The following FRMD4A variants were observed in gnomAD, a reference collection of about 807,000 sequenced individuals.
FRMD4A encodes FERM domain containing 4A, also known as FERM domain-containing protein 4A.
In FRMD4A, 29 loss-of-function variants were observed where a neutral mutation model predicts 129.1. The ratio of observed to expected loss-of-function variants is 0.22; its 90% confidence interval spans 0.17 to 0.31. The LOEUF (loss-of-function observed/expected upper bound fraction) is 0.31. Among genes scored for constraint, FRMD4A ranks in the 10% least tolerant of loss-of-function variants. The pLI is 1.00. For missense variants in FRMD4A, 1,272 were observed against 1,375.8 expected (o/e 0.92, Z 1.19); for synonymous variants, 634 against 571.6 (o/e 1.11, Z -1.56).
At chr10:14,063,385 G>C (rs780542664) in intron 2 of FRMD4A, among the ~76,000 whole-genome samples, 1 of 152,042 alleles carries the variant, frequency 6.6e-6, no homozygotes, top group Non-Finnish European at 1.5e-5. Context: ...GACATTTGCT[G>C]TGCCATTTAC....
chr10:13,938,873 C>T (rs142320804), intron 2 of FRMD4A, among the ~76,000 whole-genome samples: 1 of 152,072 alleles, frequency 6.6e-6, no homozygotes, highest in African/African-American at 2.4e-5. Context: ...AAGACCTGGT[C>T]CCAAATGTCA....
rs188202613 is a variant in FRMD4A, at chr10:13,959,281, G to A, written c.46-100369C>T. Among the ~76,000 whole-genome samples, 381 of 152,156 alleles carry A rather than the reference G, an allele frequency of 2.5e-3. 1 individual carries two copies. The highest frequency in any genetic ancestry group is 1.1e-3 in the Non-Finnish European group (78 of 67,996). On this transcript the variant is annotated intron_variant, in intron 2 of 24. Transcript: ENST00000357447. ...GAGGTCAGGAGTTTGAGACCAGCCT[G>A]ACCAATATGGTGAAACCCTATCTCT...
intron 2 of FRMD4A, among the ~76,000 whole-genome samples, chr10:13,981,416 G>T (rs1241931858): frequency 6.6e-6 from 1 of 152,176 alleles, no homozygotes; most frequent in Non-Finnish European, 1.5e-5. Context: ...AGACTGAAAG[G>T]TGTATGAAAG....
At chr10:14,001,057 G>T (rs2095641111) in intron 2 of FRMD4A, among the ~76,000 whole-genome samples, 1 of 152,088 alleles carries the variant, frequency 6.6e-6, no homozygotes, top group African/African-American at 2.4e-5. Context: ...AAAGTCACCA[G>T]AAAACACAAA....
chr10:13,653,856 G>C (rs1465552974), intron 23 of FRMD4A: 1 of 158,312 alleles, frequency 6.3e-6, no homozygotes, highest in Non-Finnish European at 1.4e-5. Flanking sequence ...CTATCAAAGG[G>C]AGCTGCCTTT....
intron 2 of FRMD4A, among the ~76,000 whole-genome samples, chr10:14,139,369 C>A (rs1029678499): frequency 3.3e-5 from 5 of 150,632 alleles, no homozygotes; most frequent in African/African-American, 9.8e-5. Context: ...GCTAAGCAAC[C>A]TTATGTCCTT....
At chr10:14,309,507 A>C (rs1195484175) in intron 2 of FRMD4A, among the ~76,000 whole-genome samples, 1 of 152,178 alleles carries the variant, frequency 6.6e-6, no homozygotes, top group Non-Finnish European at 1.5e-5. Flanking sequence ...TAGAGTCACC[A>C]AAGACTCAGA....
intron 2 of FRMD4A, among the ~76,000 whole-genome samples, chr10:14,294,766 G>C (rs1012682579): frequency 6.6e-6 from 1 of 152,204 alleles, no homozygotes; most frequent in Non-Finnish European, 1.5e-5. Flanking sequence ...AAAAACACGA[G>C]CTTTATTAAA....
intron 2 of FRMD4A, among the ~76,000 whole-genome samples, chr10:14,017,386 G>A (rs73591208): frequency 0.021 from 3,181 of 152,258 alleles, 114 homozygotes; most frequent in African/African-American, 0.073. Flanking sequence ...AATTGCACCT[G>A]GAATGGCAAT....
intron 2 of FRMD4A, among the ~76,000 whole-genome samples, chr10:14,298,726 G>A (rs1564449151): frequency 6.6e-6 from 1 of 152,164 alleles, no homozygotes; most frequent in Non-Finnish European, 1.5e-5. Flanking sequence ...TTCTAGGGAA[G>A]AGCCCTTCAG....
intron 4 of FRMD4A, among the ~76,000 whole-genome samples, chr10:13,802,687 T>TG (rs1295746464): frequency 6.6e-5 from 10 of 152,072 alleles, no homozygotes; most frequent in Admixed American, 6.6e-4. Context: ...TTGTCCGGGC[T>TG]GGTCTCAAAC....
intron 2 of FRMD4A, among the ~76,000 whole-genome samples, chr10:13,881,825 G>A (rs975829818): frequency 6.6e-6 from 1 of 151,416 alleles, no homozygotes; most frequent in African/African-American, 2.4e-5. Context: ...AGAGGAACTC[G>A]CTTCTGCTTG....
chr10:13,886,805 C>T (rs543321168), intron 2 of FRMD4A, among the ~76,000 whole-genome samples: 32 of 152,284 alleles, frequency 2.1e-4, no homozygotes, highest in African/African-American at 7.5e-4. Flanking sequence ...CTGCTACACT[C>T]ACTCAGCGAT....
intron 14 of FRMD4A, 137 bp from the exon 15 acceptor site, chr10:13,694,176 G>A: frequency 1.6e-6 from 1 of 623,708 alleles, no homozygotes; most frequent in East Asian, 3.1e-5. Flanking sequence ...CAGCATTTTT[G>A]TTTGCATCCC....
At chr10:14,073,661 G>A (rs1358108637) in intron 2 of FRMD4A, among the ~76,000 whole-genome samples, 1 of 152,150 alleles carries the variant, frequency 6.6e-6, no homozygotes, top group African/African-American at 2.4e-5. Flanking sequence ...CGAACGGAGT[G>A]AGGGGAAGTC....
Position 13,777,294 on chromosome 10 carries a change from G to A in FRMD4A, c.384+5628C>T, listed in dbSNP as rs571058684. On this transcript the variant is annotated intron_variant, in intron 6 of 24. Coordinates refer to ENST00000357447, the MANE Select transcript of FRMD4A (RefSeq NM_018027.5). Reference sequence around the variant, plus strand: ...CTCCTCTGGAAAGCCAGCGATTCTCGCTCCATCTCACGCAGAGATGCTGAG... The same window carrying A: ...CTCCTCTGGAAAGCCAGCGATTCTCACTCCATCTCACGCAGAGATGCTGAG... 5.3e-5 allele frequency among the ~76,000 whole-genome samples: 8 copies of A among 152,308 alleles called. No individual in the cohort carries two copies. In the South Asian group the frequency reaches 1.7e-3, roughly 32 times the overall value.
intron 2 of FRMD4A, among the ~76,000 whole-genome samples, chr10:14,220,356 G>A (rs1040715674): frequency 3.9e-5 from 6 of 152,184 alleles, no homozygotes; most frequent in Non-Finnish European, 7.4e-5. Context: ...CTCATTCAAA[G>A]ATAAAATTGG....
chr10:14,215,162 G>T (rs1213165818), intron 2 of FRMD4A, among the ~76,000 whole-genome samples: 1 of 152,136 alleles, frequency 6.6e-6, no homozygotes, highest in African/African-American at 2.4e-5. Context: ...TCTACAAAAA[G>T]CAATTGTCTT....
chr10:13,741,109 G>A lies in FRMD4A; in HGVS notation c.549-532C>T, dbSNP rs187462530. Among the ~76,000 whole-genome samples the A allele has an allele frequency of 2.1e-3, 314 of 152,274 alleles. 1 individual carries two copies. The highest frequency in any genetic ancestry group is 7.4e-3 in the African/African-American group (308 of 41,564). ...CCCAAAGTACTGGGATTACAGGCGTGAGCCACCATGGCTGGCTTATCTTGG... is the reference window on the plus strand; with the variant it reads ...CCCAAAGTACTGGGATTACAGGCGTAAGCCACCATGGCTGGCTTATCTTGG... On this transcript the variant is annotated intron_variant, in intron 9 of 24. Transcript: ENST00000357447.
Sources: allele counts gnomAD v4.1 joint callset (sites outside exome capture counted in the v4.1 genomes callset), GRCh38; gene constraint gnomAD v4.1.1; transcripts MANE v1.5; gene names NCBI Gene and HGNC (gene_info 2026-07-23, HGNC 2026-07-21).